Variants in RBFOX1 observed in about 807,000 individuals in gnomAD.
The protein encoded by RBFOX1 is RNA binding protein fox-1 homolog 1.
In RBFOX1, 8 loss-of-function variants were observed where a neutral mutation model predicts 57.7. The observed-to-expected ratio is 0.14, with a 90% CI of 0.08 to 0.25. The LOEUF (loss-of-function observed/expected upper bound fraction) is 0.25, where lower values mean the gene tolerates loss of function less well. RBFOX1 is among the 10% of genes least tolerant of loss of function. RBFOX1 has a pLI of 1.00. For missense variants in RBFOX1, 611 were observed against 548.5 expected (o/e 1.11, Z -1.14); for synonymous variants, 326 against 222.4 (o/e 1.47, Z -4.15).
intron 3 of RBFOX1, among the ~76,000 whole-genome samples, chr16:6,961,016 C>T (rs951052149): frequency 1.3e-5 from 2 of 149,542 alleles, no homozygotes; most frequent in Non-Finnish European, 3.0e-5. Context: ...TGGTGGCCAG[C>T]AACTATAGTC....
At chr16:6,836,789 A>G (rs2093130540) in intron 3 of RBFOX1, among the ~76,000 whole-genome samples, 1 of 152,172 alleles carries the variant, frequency 6.6e-6, no homozygotes, top group Non-Finnish European at 1.5e-5. Flanking sequence ...TAATTTCTGT[A>G]ATTAGAAAGT....
At chr16:5,834,323 G>T (rs78476676) in intron 3 of RBFOX1, among the ~76,000 whole-genome samples, 22 of 152,232 alleles carry the variant, frequency 1.4e-4, no homozygotes, top group African/African-American at 5.3e-4. Context: ...CTGTAGCTTA[G>T]ATTTCAGTTA....
At chr16:6,571,330 C>T (rs981006222) in intron 2 of RBFOX1, among the ~76,000 whole-genome samples, 18 of 152,206 alleles carry the variant, frequency 1.2e-4, no homozygotes, top group African/African-American at 2.4e-4. Flanking sequence ...CAGGGGGTGA[C>T]GGTGGGCATC....
chr16:6,600,585 A>T (rs1246342001), intron 2 of RBFOX1, among the ~76,000 whole-genome samples: 1 of 152,184 alleles, frequency 6.6e-6, no homozygotes, highest in Non-Finnish European at 1.5e-5. Flanking sequence ...GACCGTTAAT[A>T]TTACTTACAA....
chr16:5,950,470 A>G (rs2059497184), intron 4 of RBFOX1, among the ~76,000 whole-genome samples: 1 of 151,988 alleles, frequency 6.6e-6, no homozygotes, highest in Admixed American at 6.5e-5. Flanking sequence ...TTCTATTTTC[A>G]TTATCTGGTA....
intron 3 of RBFOX1, among the ~76,000 whole-genome samples, chr16:5,717,015 G>GA (rs2051727803): frequency 6.6e-6 from 1 of 151,496 alleles, no homozygotes; most frequent in East Asian, 1.9e-4. Flanking sequence ...ATTAGCAGCA[G>GA]AAAAAACTCT....
chr16:6,976,222 A>G (rs544865787), intron 3 of RBFOX1, among the ~76,000 whole-genome samples: 16 of 152,154 alleles, frequency 1.1e-4, no homozygotes, highest in Admixed American at 3.3e-4. Flanking sequence ...GAGCATTCTA[A>G]TTATTACATA....
At chr16:6,993,376 T>C (rs562959934) in intron 3 of RBFOX1, among the ~76,000 whole-genome samples, 4 of 152,170 alleles carry the variant, frequency 2.6e-5, no homozygotes, top group East Asian at 3.9e-4. Flanking sequence ...TTTAGCTCCT[T>C]TCGGTAATAA....
intron 9 of RBFOX1, among the ~76,000 whole-genome samples, chr16:7,602,119 C>T (rs907641986): frequency 3.9e-5 from 6 of 152,180 alleles, no homozygotes; most frequent in African/African-American, 1.4e-4. Context: ...TAAGAGAAAG[C>T]CTGTGCTGAT....
At chr16:7,391,468 C>G (rs895690508) in intron 4 of RBFOX1, among the ~76,000 whole-genome samples, 2 of 152,220 alleles carry the variant, frequency 1.3e-5, no homozygotes, top group African/African-American at 4.8e-5. Context: ...GGACTTCTTT[C>G]CTCCCTTTCT....
rs545018971 is a variant in RBFOX1 at position 5,382,732 on chromosome 16, C to T, written c.220-84484C>T. 2.1e-3 allele frequency among the ~76,000 whole-genome samples: 317 copies of T among 152,260 alleles called. 3 individuals are homozygous for T. Among genetic ancestry groups the T allele is most frequent in the Non-Finnish European group, 3.8e-3 (258 of 68,014 alleles). ...GTTCTGATTCAGTTGGCAAGGTTTTCGGTATCTTTTTATGTTTAAGGAAAT... is the reference window on the plus strand; with the variant it reads ...GTTCTGATTCAGTTGGCAAGGTTTTTGGTATCTTTTTATGTTTAAGGAAAT... On this transcript the variant is annotated intron_variant, in intron 1 of 2. Coordinates refer to the RBFOX1 transcript ENST00000585867.
At chr16:6,863,665 T>C (rs2059391028) in intron 3 of RBFOX1, among the ~76,000 whole-genome samples, 1 of 95,956 alleles carries the variant, frequency 1.0e-5, no homozygotes, top group Non-Finnish European at 1.9e-5. Flanking sequence ...GTTTTTTTTT[T>C]TCCTTAAAAA....
chr16:5,805,024 C>T (rs2055181521), intron 3 of RBFOX1, among the ~76,000 whole-genome samples: 1 of 151,590 alleles, frequency 6.6e-6, no homozygotes, highest in South Asian at 2.1e-4. Flanking sequence ...CTTGGAGGCT[C>T]TGGGGTGGAA....
chr16:7,319,265 A>T (rs8046170), intron 4 of RBFOX1, among the ~76,000 whole-genome samples: 5 of 151,978 alleles, frequency 3.3e-5, no homozygotes, highest in Admixed American at 6.5e-5. Context: ...GCTCTATTCA[A>T]TATTGTTGGG....
At chr16:5,292,534 A>G (rs1364845510) in intron 1 of RBFOX1, among the ~76,000 whole-genome samples, 3 of 152,168 alleles carry the variant, frequency 2.0e-5, no homozygotes, top group Non-Finnish European at 2.9e-5. Flanking sequence ...TTAAGACCCA[A>G]TGCAAATAGG....
At chr16:7,402,641 A>G (rs931655669) in intron 4 of RBFOX1, among the ~76,000 whole-genome samples, 2 of 152,198 alleles carry the variant, frequency 1.3e-5, no homozygotes, top group African/African-American at 4.8e-5. Flanking sequence ...TGCTAAGTAT[A>G]TGAGACTCCC....
chr16:6,909,276 C>A (rs1273043159), intron 3 of RBFOX1, among the ~76,000 whole-genome samples: 1 of 152,140 alleles, frequency 6.6e-6, no homozygotes, highest in Admixed American at 6.5e-5. Flanking sequence ...GCATTGTGGC[C>A]TTCAGACTCC....
chr16:5,687,928 A>G (rs2050554297), intron 3 of RBFOX1, among the ~76,000 whole-genome samples: 1 of 152,196 alleles, frequency 6.6e-6, no homozygotes, highest in South Asian at 2.1e-4. Context: ...AGGAAATAGA[A>G]TGTATACTGG....
intron 3 of RBFOX1, among the ~76,000 whole-genome samples, chr16:6,893,058 C>T (rs969861696): frequency 1.3e-5 from 2 of 152,174 alleles, no homozygotes; most frequent in Non-Finnish European, 2.9e-5. Flanking sequence ...TGATCTTTCT[C>T]TTCAGAACTT....
Sources: allele counts gnomAD v4.1 joint callset (sites outside exome capture counted in the v4.1 genomes callset), GRCh38; gene constraint gnomAD v4.1.1; transcripts MANE v1.5; gene names NCBI Gene and HGNC (gene_info 2026-07-23, HGNC 2026-07-21).